ANXA13: variants seen among roughly 807,000 people sequenced by gnomAD.
The protein encoded by ANXA13 is annexin XIII.
ANXA13 carries 36 observed loss-of-function variants against 46.6 expected under a neutral mutation model. That is an observed-to-expected ratio of 0.77 (90% confidence interval 0.59 to 1.02). The LOEUF (loss-of-function observed/expected upper bound fraction) is 1.02. ANXA13 is among the 50% of genes least tolerant of loss of function. The pLI, the probability that ANXA13 is intolerant of heterozygous loss-of-function variation, is 0.00. For missense variants in ANXA13, 417 were observed against 396.5 expected (o/e 1.05, Z -0.44); for synonymous variants, 163 against 152.9 (o/e 1.07, Z -0.49).
intron 1 of ANXA13, among the ~76,000 whole-genome samples, chr8:123,724,343 C>T (rs1239086722): frequency 1.3e-5 from 2 of 152,102 alleles, no homozygotes; most frequent in East Asian, 1.9e-4. Flanking sequence ...CCTTTCAACC[C>T]GGATTGCACT....
intron 1 of ANXA13, among the ~76,000 whole-genome samples, chr8:123,735,150 A>G (rs994094477): frequency 6.6e-6 from 1 of 151,668 alleles, no homozygotes; most frequent in African/African-American, 2.4e-5. Context: ...CATTATAGCC[A>G]TTGGGACCAT....
At chr8:123,734,282 G>A (rs1048701824) in intron 1 of ANXA13, among the ~76,000 whole-genome samples, 1 of 152,116 alleles carries the variant, frequency 6.6e-6, no homozygotes, top group Admixed American at 6.5e-5. Context: ...TCCCTAGATA[G>A]TGATTCTTGT....
chr8:123,737,344 T>A lies in ANXA13; in HGVS notation c.-10A>T, dbSNP rs1219840312. On this transcript the variant is annotated 5_prime_UTR_variant, in exon 1 of 11. Transcript: ENST00000419625. ...CATGACGATTGCCCATTTTCCTTTT[T>A]CTGAGATGGTTTTTCTGTATTTCAT... 2 of 1,611,570 alleles carry A rather than the reference T, an allele frequency of 1.2e-6. No individual in the cohort carries two copies. The highest frequency in any genetic ancestry group is 1.7e-6 in the Non-Finnish European group (2 of 1,178,506).
chr8:123,691,106 A>G (rs1309652186), intron 8 of ANXA13, among the ~76,000 whole-genome samples: 2 of 152,222 alleles, frequency 1.3e-5, no homozygotes, highest in Non-Finnish European at 2.9e-5. Context: ...TGGGAGTGTC[A>G]GAAGTTAAGA....
intron 2 of ANXA13, among the ~76,000 whole-genome samples, chr8:123,707,850 T>C (rs192921163): frequency 1.3e-5 from 2 of 151,016 alleles, no homozygotes; most frequent in East Asian, 1.9e-4. Context: ...ATAATAATAA[T>C]AATAAAAAAC....
At chr8:123,722,689 C>T (rs1813907318) in intron 1 of ANXA13, among the ~76,000 whole-genome samples, 1 of 152,166 alleles carries the variant, frequency 6.6e-6, no homozygotes, top group African/African-American at 2.4e-5. Context: ...TTCTGCCTCT[C>T]ATTTGTAAAA....
intron 1 of ANXA13, among the ~76,000 whole-genome samples, chr8:123,713,639 G>A (rs1813703307): frequency 1.3e-5 from 2 of 152,120 alleles, no homozygotes; most frequent in Admixed American, 1.3e-4. Flanking sequence ...CACACCCTGA[G>A]TTTCCTGTCT....
At chr8:123,734,440 T>G (rs1160505504) in intron 1 of ANXA13, among the ~76,000 whole-genome samples, 2 of 152,156 alleles carry the variant, frequency 1.3e-5, no homozygotes, top group East Asian at 3.8e-4. Context: ...TTGAACATTG[T>G]GTGATTTGGC....
intron 1 of ANXA13, among the ~76,000 whole-genome samples, chr8:123,716,306 A>G (rs1034512042): frequency 1.1e-4 from 17 of 152,088 alleles, no homozygotes; most frequent in African/African-American, 4.1e-4. Context: ...GCTGGTCTCA[A>G]ACTCCTGAGC....
rs150006563 is a variant in ANXA13, at chr8:123,688,896, G to A, written c.693C>T (p.Asp231=). 672 of 1,613,924 alleles carry A rather than the reference G, an allele frequency of 4.2e-4. 6 individuals carry two copies. The East Asian group carries it at 0.014, about 33-fold the overall frequency. ...CGAGAGTTAAATAGGCCTTCTGCAA[G>A]TCGCCTGATGTTTCTTCTTCAATGG... ...EEAIEEETSG[D]LQKAYLTLVR... is the part of the protein sequence containing the mutation. Residue 231 remains aspartate (D), a synonymous_variant, in exon 9 of 11, where the codon GAC becomes GAT. Transcript: ENST00000419625.
At chr8:123,707,922 G>T (rs900754705) in intron 2 of ANXA13, among the ~76,000 whole-genome samples, 2 of 152,134 alleles carry the variant, frequency 1.3e-5, no homozygotes, top group Non-Finnish European at 2.9e-5. Context: ...AAACCAGATT[G>T]CAAAACAGTC....
intron 1 of ANXA13, chr8:123,728,451 T>C (rs1007706992): frequency 2.0e-5 from 3 of 152,218 alleles, no homozygotes; most frequent in African/African-American, 7.2e-5. Flanking sequence ...ATCCATTTCC[T>C]TCTTATATTG....
intron 1 of ANXA13, among the ~76,000 whole-genome samples, chr8:123,730,567 G>A (rs36052426): frequency 0.052 from 7,883 of 152,084 alleles, 308 homozygotes; most frequent in Middle Eastern, 0.088. Flanking sequence ...ACTCACAGCC[G>A]CAGAATTCAC....
At chr8:123,721,928 AT>A (rs1813880942) in intron 1 of ANXA13, among the ~76,000 whole-genome samples, 1 of 152,330 alleles carries the variant, frequency 6.6e-6, no homozygotes, top group African/African-American at 2.4e-5. Context: ...TGCAGTCTGG[AT>A]TCAGAAACTC....
intron 1 of ANXA13, among the ~76,000 whole-genome samples, chr8:123,714,377 C>T (rs898435435): frequency 2.0e-5 from 3 of 152,168 alleles, no homozygotes; most frequent in Non-Finnish European, 2.9e-5. Context: ...GAGAGATACA[C>T]GTCTGCCTCC....
chr8:123,728,899 C>T (rs1255008026), intron 1 of ANXA13, among the ~76,000 whole-genome samples: 3 of 152,066 alleles, frequency 2.0e-5, no homozygotes, highest in Non-Finnish European at 2.9e-5. Flanking sequence ...CCTACTACAA[C>T]CATCCAAGTC....
At position 123,695,683 on chromosome 8, in the gene ANXA13, C is replaced by T; in HGVS notation, c.391+5G>A. 6.2e-7 allele frequency: 1 copy of T among 1,613,658 alleles called. No individual in the cohort carries two copies. Among genetic ancestry groups the T allele is most frequent in the Non-Finnish European group, 8.5e-7 (1 of 1,179,746 alleles). On this transcript the variant is annotated splice_donor_5th_base_variant and intron_variant, in intron 5 of 10. Transcript: ENST00000419625. Reference sequence around the variant, plus strand: ...TATCCAAAGCCAGAATGAAAAGTCACTTACGCCTTTGGTAGGCCTCTTTAA... The same window carrying T: ...TATCCAAAGCCAGAATGAAAAGTCATTTACGCCTTTGGTAGGCCTCTTTAA...
At position 123,693,738 on chromosome 8, in the gene ANXA13, A is replaced by G. The variant is rs753266845; in HGVS notation, c.513T>C (p.Ala171=). ...NEGDDVDKDL[A]GQDAKDLYDA... ...CATACAGATCTTTGGCATCCTGACC[A>G]GCTAGATCTTTGTCCACGTCATCTC... Residue 171 remains alanine (A), a synonymous_variant, in exon 7 of 11, where the codon GCT becomes GCC. Coordinates refer to ENST00000419625, the MANE Select transcript of ANXA13 (RefSeq NM_004306.4). 4 of 1,614,196 alleles carry G rather than the reference A, an allele frequency of 2.5e-6. No homozygotes were observed. The highest frequency in any genetic ancestry group is 3.4e-6 in the Non-Finnish European group (4 of 1,180,020).
intron 3 of ANXA13, among the ~76,000 whole-genome samples, chr8:123,698,837 C>G (rs1360260813): frequency 1.3e-5 from 2 of 152,224 alleles, no homozygotes; most frequent in African/African-American, 2.4e-5. Context: ...TTTGAGAGCT[C>G]AGAGAGCTTT....
Sources: gnomAD v4.1 joint callset for allele counts (sites outside exome capture counted in the v4.1 genomes callset) on GRCh38, gnomAD v4.1.1 for gene constraint, MANE v1.5 for transcripts, NCBI Gene and HGNC (gene_info 2026-07-23, HGNC 2026-07-21) for gene names.